Variants in DCLRE1C observed in about 807,000 individuals in gnomAD.
The protein encoded by DCLRE1C is DNA cross-link repair 1C, also known as protein artemis.
A neutral mutation model predicts 61.4 loss-of-function variants in DCLRE1C; 47 were observed. The ratio of observed to expected loss-of-function variants is 0.77; its 90% CI spans 0.61 to 0.98. The LOEUF (loss-of-function observed/expected upper bound fraction) is 0.98. DCLRE1C is among the 50% of genes least tolerant of loss of function. The pLI is 0.00. For synonymous variants in DCLRE1C, 337 were observed against 287.6 expected, an observed-to-expected ratio of 1.17 and a Z score of -1.74; for missense variants, 858 against 816.0, an observed-to-expected ratio of 1.05 and a Z score of -0.63.
At chr10:14,904,605 T>C (rs1237189240), downstream of DCLRE1C, among the ~76,000 whole-genome samples, 2 of 152,204 alleles carry the variant, frequency 1.3e-5, no homozygotes, top group Non-Finnish European at 2.9e-5. Context: ...CTATTTTCAG[T>C]AAACATGTAG....
chr10:14,949,624 C>T (rs1431970198), intron 1 of DCLRE1C, among the ~76,000 whole-genome samples: 1 of 152,250 alleles, frequency 6.6e-6, no homozygotes, highest in Admixed American at 6.5e-5. Flanking sequence ...TCCACATTAA[C>T]AGACACAGAC....
chr10:14,924,089 G>T (rs564187158), intron 11 of DCLRE1C, among the ~76,000 whole-genome samples: 2 of 152,318 alleles, frequency 1.3e-5, no homozygotes, highest in South Asian at 4.2e-4. Context: ...TAGAACAAAG[G>T]GACACACATC....
At chr10:14,920,349 G>A (rs1410123070) in intron 12 of DCLRE1C, 10 of 1,023,372 alleles carry the variant, frequency 9.8e-6, no homozygotes, top group Non-Finnish European at 1.2e-5. Context: ...AATACAAAAA[G>A]GCAGAGAAAT....
At chr10:14,912,084 T>G (rs935544866) in intron 13 of DCLRE1C, among the ~76,000 whole-genome samples, 3 of 152,226 alleles carry the variant, frequency 2.0e-5, no homozygotes, top group African/African-American at 7.2e-5. Flanking sequence ...AAAATTCATA[T>G]GTGGAAGCCC....
rs1350919416 is a variant in DCLRE1C, at chr10:14,906,527, T to TG, written c.*1880_*1881insC. ...CCACTTTCGATCATAAGGTACACTGTTAAAACTAAGTTTTAGTTAACAGTG... is the reference window on the plus strand; with the variant it reads ...CCACTTTCGATCATAAGGTACACTGTGTAAAACTAAGTTTTAGTTAACAGTG... On this transcript the variant is annotated 3_prime_UTR_variant, in exon 14 of 14. Transcript: ENST00000378278. Among the ~76,000 whole-genome samples, 1 of 152,268 alleles carries TG rather than the reference T, an allele frequency of 6.6e-6. No homozygotes were observed. The highest frequency in any genetic ancestry group is 1.9e-4 in the East Asian group (1 of 5,204).
chr10:14,952,623 G>A (rs943799886), intron 1 of DCLRE1C, among the ~76,000 whole-genome samples: 5 of 151,988 alleles, frequency 3.3e-5, no homozygotes, highest in Admixed American at 6.6e-5. Context: ...AGGCATGGTG[G>A]CTGACTCCTG....
At chr10:14,939,595 T>C (rs1350766518) in intron 4 of DCLRE1C, among the ~76,000 whole-genome samples, 2 of 152,164 alleles carry the variant, frequency 1.3e-5, no homozygotes, top group African/African-American at 2.4e-5. Context: ...CCAGCCCAAA[T>C]GGACTTACAC....
At chr10:14,945,925 T>C (rs1333991199) in intron 2 of DCLRE1C, among the ~76,000 whole-genome samples, 4 of 150,346 alleles carry the variant, frequency 2.7e-5, no homozygotes, top group African/African-American at 9.8e-5. Context: ...CCCAAAGTGA[T>C]GGGATTACAG....
rs1420977022 is a variant in DCLRE1C, at chr10:14,908,354, T to C, written c.*54A>G. The stretch of plus-strand genomic sequence containing the variant: ...ATTTTCTCTATTGTAATATTGACTG[T>C]CATCTCTGTGCAGGTTTTTTAGTGG... On this transcript the variant is annotated 3_prime_UTR_variant, in exon 14 of 14. Coordinates refer to ENST00000378278, the MANE Select transcript of DCLRE1C (RefSeq NM_001033855.3). The C allele has an allele frequency of 7.5e-7, 1 of 1,334,204 alleles. No individual in the cohort carries two copies. Among genetic ancestry groups the C allele is most frequent in the African/African-American group, 1.4e-5 (1 of 69,054 alleles). 82.6% of individuals were successfully genotyped at this position (1,334,204 alleles called of 1,614,324 possible).
At chr10:14,899,006 T>G (rs541419235) in exon 14 of DCLRE1C, 65 of 520,952 alleles carry the variant, frequency 1.2e-4, no homozygotes, top group Non-Finnish European at 2.0e-4. Flanking sequence ...AGTAATGCAG[T>G]GTTCCAATGT....
In DCLRE1C at chr10:14,906,131, G is replaced by A. The variant is rs1041040179; in HGVS notation, c.*2277C>T. 2.6e-5 allele frequency among the ~76,000 whole-genome samples: 4 copies of A among 152,190 alleles called. No homozygotes were observed. The highest frequency in any genetic ancestry group is 5.9e-5 in the Non-Finnish European group (4 of 68,036). On this transcript the variant is annotated 3_prime_UTR_variant, in exon 14 of 14. Transcript: ENST00000378278. ...AGCAGTTAAGATCATGGTCTCTGAA[G>A]CCAAACTGCCTGTGTTTGAATTCTG...
chr10:14,917,499 CAAAA>C (rs762351575), intron 13 of DCLRE1C, among the ~76,000 whole-genome samples: 27 of 145,132 alleles, frequency 1.9e-4, no homozygotes, highest in Non-Finnish European at 2.1e-4. Context: ...AAAAAAAAAA[CAAAA>C]AAAACTTGTA....
downstream of DCLRE1C, chr10:14,900,993 C>G: frequency 9.0e-7 from 1 of 1,112,198 alleles, no homozygotes; most frequent in Non-Finnish European, 1.3e-6. Context: ...GTGCATGCCT[C>G]AAAGACCTCT....
At chr10:14,946,470 T>C (rs1841707135) in intron 2 of DCLRE1C, among the ~76,000 whole-genome samples, 1 of 152,220 alleles carries the variant, frequency 6.6e-6, no homozygotes, top group African/African-American at 2.4e-5. Context: ...GCGGGGTCTA[T>C]GTTCCCTCCC....
chr10:14,935,862 T>G (rs1839820860), intron 5 of DCLRE1C, among the ~76,000 whole-genome samples: 1 of 152,200 alleles, frequency 6.6e-6, no homozygotes, highest in Non-Finnish European at 1.5e-5. Context: ...ATACACGTGA[T>G]GATAAAATAC....
At chr10:14,948,297 G>A (rs952051267) in intron 2 of DCLRE1C, among the ~76,000 whole-genome samples, 2 of 152,094 alleles carry the variant, frequency 1.3e-5, no homozygotes, top group African/African-American at 2.4e-5. Flanking sequence ...TTATCAAGAA[G>A]ACAGAGTATT....
rs1333500909 is a variant in DCLRE1C at position 14,909,274 on chromosome 10, C to T, written c.1213G>A (p.Val405Ile). 3 of 1,613,756 alleles carry T rather than the reference C, an allele frequency of 1.9e-6. No individual in the cohort carries two copies. Among genetic ancestry groups the T allele is most frequent in the African/African-American group, 1.3e-5 (1 of 75,016 alleles). ...GGGTGAAAAGTTTCCGGGTATGGAA[C>T]TTTGTGCCTTAAAGGTATTGGCAGA... ...DPLPIPLRHK[V>I]PYPETFHPEV... The change falls in exon 14 of 14, where the codon GTT becomes ATT. Residue 405 changes from valine to isoleucine, a missense_variant. Val to Ile is a conservative substitution (Grantham distance 29). This residue lies in a region of DCLRE1C where 843 missense variants were observed against 783.5 expected (regional missense o/e 1.08). Coordinates refer to ENST00000378278, the MANE Select transcript of DCLRE1C (RefSeq NM_001033855.3).
intron 4 of DCLRE1C, 40 bp downstream of exon 4, chr10:14,939,770 C>T: frequency 6.6e-7 from 1 of 1,507,372 alleles, no homozygotes; most frequent in African/African-American, 1.4e-5. Flanking sequence ...ATTTTAGCAC[C>T]ACATTTTTTT....
intron 3 of DCLRE1C, among the ~76,000 whole-genome samples, chr10:14,943,193 A>G (rs1351650828): frequency 1.3e-5 from 2 of 152,332 alleles, no homozygotes; most frequent in South Asian, 2.1e-4. Context: ...AACTCCCACA[A>G]TGATTTAAGA....
Sources: allele counts gnomAD v4.1 joint callset (sites outside exome capture counted in the v4.1 genomes callset), GRCh38; gene constraint gnomAD v4.1.1; regional missense constraint gnomAD v4.1.1; transcripts MANE v1.5; gene names NCBI Gene and HGNC (gene_info 2026-07-23, HGNC 2026-07-21).